SORT1: variants seen among roughly 807,000 people sequenced by gnomAD.
SORT1 encodes sortilin 1.
Under a neutral mutation model 101.7 loss-of-function variants are expected in SORT1, and 39 were observed. The ratio of observed to expected loss-of-function variants is 0.38; its 90% CI spans 0.30 to 0.50. The LOEUF (loss-of-function observed/expected upper bound fraction) is 0.50. Ranked by LOEUF, SORT1 falls within the 20% of genes least tolerant of loss-of-function variation. SORT1 has a pLI of 0.90. For missense variants in SORT1, 878 were observed against 1,040.4 expected (o/e 0.84, Z 2.15); for synonymous variants, 396 against 393.7 (o/e 1.01, Z -0.07).
chr1:109,379,694 T>C (rs115472646), intron 1 of SORT1, among the ~76,000 whole-genome samples: 7,794 of 152,210 alleles, frequency 0.051, 224 homozygotes, highest in Non-Finnish European at 0.062. Context: ...CAGGAGCAGA[T>C]GAGCATGAAA....
intron 8 of SORT1, among the ~76,000 whole-genome samples, chr1:109,343,923 T>C (rs1476426826): frequency 2.0e-5 from 3 of 152,340 alleles, no homozygotes; most frequent in Admixed American, 6.5e-5. Context: ...AGGGCTGGGA[T>C]TAAGGCGTGA....
intron 7 of SORT1, among the ~76,000 whole-genome samples, chr1:109,347,043 C>T (rs1649653764): frequency 6.6e-6 from 1 of 152,156 alleles, no homozygotes; most frequent in African/African-American, 2.4e-5. Flanking sequence ...TCTCTCCATC[C>T]TTAGAACAGT....
intron 1 of SORT1, among the ~76,000 whole-genome samples, chr1:109,374,119 C>T (rs568532663): frequency 4.2e-4 from 63 of 151,696 alleles, no homozygotes; most frequent in Non-Finnish European, 6.6e-4. Flanking sequence ...TAACCAGGCA[C>T]GCAAAGAAGA....
At chr1:109,314,209 C>A in intron 19 of SORT1, 52 bp downstream of exon 19, 1 of 1,577,770 alleles carries the variant, frequency 6.3e-7, no homozygotes, top group South Asian at 1.1e-5. Context: ...ACTTTATTTT[C>A]TTGTATTTTT....
At position 109,313,871 on chromosome 1, in the gene SORT1, CCA is replaced by C; in HGVS notation, c.*170_*171del. On this transcript the variant is annotated 3_prime_UTR_variant, in exon 20 of 20. Coordinates refer to ENST00000256637, the MANE Select transcript of SORT1 (RefSeq NM_002959.7). The stretch of plus-strand genomic sequence containing the variant: ...ATTGTAAAAAAGTGCTCAGGGTTCC[CCA>C]CCCCCACCCTGCATTTCTTTAGTGT... 1.8e-6 allele frequency: 1 copy of C among 542,882 alleles called. No individual in the cohort carries two copies. The highest frequency in any genetic ancestry group is 3.3e-6 in the Non-Finnish European group (1 of 306,622). The allele number at this position is 542,882 out of a possible 1,614,324, so 33.6% of individuals were successfully genotyped here.
intron 6 of SORT1, 40 bp from the exon 7 acceptor site, chr1:109,347,572 A>C: frequency 7.1e-7 from 1 of 1,415,804 alleles, no homozygotes; most frequent in East Asian, 2.3e-5. Flanking sequence ...ATGGTTTAAG[A>C]CTGCTGAAGG....
At chr1:109,325,497 C>T (rs1206015738) in intron 13 of SORT1, among the ~76,000 whole-genome samples, 16 of 151,958 alleles carry the variant, frequency 1.1e-4, no homozygotes, top group Non-Finnish European at 1.6e-4. Flanking sequence ...ACCTTGGCCT[C>T]CCAAAGTGCT....
chr1:109,392,200 G>A (rs562714178), intron 1 of SORT1, among the ~76,000 whole-genome samples: 29 of 152,242 alleles, frequency 1.9e-4, no homozygotes, highest in Middle Eastern at 6.8e-3. Flanking sequence ...TTACTCCCCC[G>A]TCCTGACCAT....
intron 2 of SORT1, 101 bp downstream of exon 2, chr1:109,369,429 A>G (rs17646665): frequency 0.051 from 39,693 of 774,376 alleles, 1,162 homozygotes; most frequent in African/African-American, 0.073. Flanking sequence ...TTGAGGCTAA[A>G]GACAGTTTCA....
Position 109,322,900 on chromosome 1 carries a change from G to T in SORT1, c.2024+32C>A, listed in dbSNP as rs72646578. 134 of 1,561,334 alleles carry T rather than the reference G, an allele frequency of 8.6e-5. 1 individual carries two copies. The South Asian group carries it at 1.5e-3, about 17-fold the overall frequency. On this transcript the variant is annotated intron_variant, in intron 15 of 19. Coordinates refer to ENST00000256637, the MANE Select transcript of SORT1 (RefSeq NM_002959.7). ...TCTTTCACCTCCTCCAACAGGGAAA[G>T]GGAGACAGAGAAATCTGAGGAATGC...
chr1:109,334,054 G>C (rs528017444), intron 11 of SORT1, among the ~76,000 whole-genome samples: 30 of 152,264 alleles, frequency 2.0e-4, no homozygotes, highest in Admixed American at 9.8e-4. Flanking sequence ...GCTGAGGCAG[G>C]AGAATCACCT....
intron 12 of SORT1, 50 bp from the exon 13 acceptor site, chr1:109,327,210 G>C (rs752537649): frequency 2.7e-5 from 37 of 1,375,656 alleles, no homozygotes; most frequent in East Asian, 2.3e-4. Context: ...ATGAAACAGA[G>C]AGCATTTACT....
intron 11 of SORT1, 99 bp from the exon 12 acceptor site, chr1:109,327,700 C>T: frequency 1.5e-6 from 1 of 682,272 alleles, no homozygotes. Flanking sequence ...TAAGTTAACC[C>T]AGACCTAGGT....
At position 109,357,249 on chromosome 1, in the gene SORT1, C is replaced by A. The variant is rs190679782; in HGVS notation, c.441-1780G>T. On this transcript the variant is annotated intron_variant, in intron 3 of 19. Transcript: ENST00000256637. ...TACTGTCCAGGTGTGAGTAAGTACA[C>A]TCTGTGATGTTTGCACAATAATGAA... Among the ~76,000 whole-genome samples, 5 of 152,336 alleles carry A rather than the reference C, an allele frequency of 3.3e-5. No individual in the cohort carries two copies. The East Asian group carries it at 9.6e-4, about 29-fold the overall frequency.
intron 1 of SORT1, among the ~76,000 whole-genome samples, chr1:109,383,649 T>G (rs533802164): frequency 6.6e-6 from 1 of 152,196 alleles, no homozygotes; most frequent in African/African-American, 2.4e-5. Context: ...GCTTCCAAAC[T>G]CCAGTGAGGC....
At chr1:109,357,178 T>C (rs1650381117) in intron 3 of SORT1, among the ~76,000 whole-genome samples, 1 of 152,220 alleles carries the variant, frequency 6.6e-6, no homozygotes, top group Admixed American at 6.5e-5. Context: ...GTTTGTTGCC[T>C]AGGAACAAGA....
At chr1:109,387,688 C>T (rs936066812) in intron 1 of SORT1, among the ~76,000 whole-genome samples, 3 of 152,198 alleles carry the variant, frequency 2.0e-5, no homozygotes, top group Non-Finnish European at 4.4e-5. Flanking sequence ...GGCGCGGTGG[C>T]TCACGCCTGC....
At chr1:109,327,286 A>C in intron 12 of SORT1, 126 bp from the exon 13 acceptor site, 1 of 959,688 alleles carries the variant, frequency 1.0e-6, no homozygotes, top group South Asian at 1.8e-5. Flanking sequence ...TTAGTAGGAA[A>C]GAAAACCACC....
intron 17 of SORT1, among the ~76,000 whole-genome samples, chr1:109,315,506 C>T (rs1658977770): frequency 6.6e-6 from 1 of 152,072 alleles, no homozygotes; most frequent in African/African-American, 2.4e-5. Context: ...CTCACACACT[C>T]CTCTCCCATC....
Sources: gnomAD v4.1 joint callset for allele counts (sites outside exome capture counted in the v4.1 genomes callset) on GRCh38, gnomAD v4.1.1 for gene constraint, MANE v1.5 for transcripts, NCBI Gene and HGNC (gene_info 2026-07-23, HGNC 2026-07-21) for gene names.